Variants in SATL1 observed in about 807,000 individuals in gnomAD.
SATL1 encodes the protein spermidine/spermine N(1)-acetyltransferase-like protein 1.
In SATL1, 47 loss-of-function variants were observed where a neutral mutation model predicts 51.8. That is an observed-to-expected ratio of 0.91 (90% CI 0.72 to 1.16). The LOEUF is 1.16. Among genes scored for constraint, SATL1 ranks in the 50% most tolerant of loss-of-function variants. The pLI is 0.00. For missense variants in SATL1, 520 were observed against 526.4 expected, an observed-to-expected ratio of 0.99 and a Z score of 0.12; for synonymous variants, 176 against 182.4, an observed-to-expected ratio of 0.97 and a Z score of 0.28.
At chrX:85,117,397 G>A (rs1602844255) in intron 2 of SATL1, 1 of 111,569 alleles carries the variant, frequency 9.0e-6, no homozygotes, top group East Asian at 2.8e-4. Context: ...ACTCCGGCTT[G>A]GTTTCATCTA....
intron 2 of SATL1, among the ~76,000 whole-genome samples, chrX:85,172,813 G>A (rs1055788877): frequency 2.7e-5 from 3 of 110,742 alleles, no homozygotes; most frequent in African/African-American, 9.8e-5. Context: ...CAAACAAATA[G>A]AAACCTGGTT....
chrX:85,225,666 A>C (rs1449148127), intron 1 of SATL1, among the ~76,000 whole-genome samples: 1 of 112,069 alleles, frequency 8.9e-6, no homozygotes, highest in African/African-American at 3.2e-5. Context: ...GAGATATAAG[A>C]GAACATGGTG....
chrX:85,162,556 C>G (rs772358115), intron 2 of SATL1, among the ~76,000 whole-genome samples: 1 of 111,152 alleles, frequency 9.0e-6, no homozygotes, highest in Non-Finnish European at 1.9e-5. Flanking sequence ...ATTTCTCTGG[C>G]TAGGACTTTC....
chrX:85,238,566 G>A (rs770419472), intron 1 of SATL1, among the ~76,000 whole-genome samples: 7 of 111,525 alleles, frequency 6.3e-5, no homozygotes, highest in African/African-American at 2.3e-4. Context: ...GTCTGGGACA[G>A]GTAGTGGGAG....
rs752269995 is a variant in SATL1, at chrX:85,107,919, A to T, written c.1050T>A (p.Gly350=). 2.9e-5 allele frequency: 35 copies of T among 1,201,919 alleles called. No individual in the cohort carries two copies. Among genetic ancestry groups the T allele is most frequent in the Non-Finnish European group, 3.7e-5 (33 of 892,763 alleles). ...ATTGGCTTGGGGCTCGTTGCGGTGG[A>T]CCTGGTTGGCTTATGCTTGCTTCAC... ...VLSEASISQP[G]PPQRAPSQSG... is the part of the protein sequence containing the mutation. Residue 350 remains glycine (G), a synonymous_variant, in exon 3 of 8, where the codon GGT becomes GGA. Transcript: ENST00000644105.
At chrX:85,157,704 T>G (rs781749585) in intron 2 of SATL1, among the ~76,000 whole-genome samples, 2 of 111,621 alleles carry the variant, frequency 1.8e-5, no homozygotes, top group Non-Finnish European at 3.8e-5. Context: ...ATAATGCCCA[T>G]CACTTAGGCT....
intron 3 of SATL1, among the ~76,000 whole-genome samples, chrX:85,104,661 A>T (rs1242000467): frequency 9.0e-6 from 1 of 110,774 alleles, no homozygotes; most frequent in African/African-American, 3.3e-5. Context: ...CTGCTCCCTC[A>T]GCCCCAGGAT....
At chrX:85,106,665 T>G (rs1453434779) in intron 3 of SATL1, among the ~76,000 whole-genome samples, 1 of 111,669 alleles carries the variant, frequency 9.0e-6, no homozygotes, top group Non-Finnish European at 1.9e-5. Flanking sequence ...GACTACTAGA[T>G]AGCTTGTCCC....
At chrX:85,217,562 A>C (rs1928074850) in intron 2 of SATL1, among the ~76,000 whole-genome samples, 1 of 111,805 alleles carries the variant, frequency 8.9e-6, no homozygotes, top group African/African-American at 3.3e-5. Flanking sequence ...CTCTGCTAAC[A>C]AATTAAACTT....
chrX:85,159,585 G>A (rs1167297357), intron 2 of SATL1, among the ~76,000 whole-genome samples: 5 of 111,774 alleles, frequency 4.5e-5, no homozygotes, highest in African/African-American at 9.8e-5. Context: ...ATTGGGGATC[G>A]CTGATCTGAA....
At chrX:85,094,795 A>G in intron 5 of SATL1, 121 bp downstream of exon 5, 3 of 471,974 alleles carry the variant, frequency 6.4e-6, no homozygotes, top group Middle Eastern at 1.2e-3. Flanking sequence ...TTCTTTAAAA[A>G]AACTGGGTTT....
chrX:85,120,830 G>C (rs2147700653), intron 2 of SATL1, among the ~76,000 whole-genome samples: 1 of 111,026 alleles, frequency 9.0e-6, no homozygotes, highest in South Asian at 3.8e-4. Flanking sequence ...AGACAAATGG[G>C]GTCCTGCTTA....
chrX:85,182,487 T>C (rs1255883717), intron 2 of SATL1, among the ~76,000 whole-genome samples: 3 of 112,096 alleles, frequency 2.7e-5, no homozygotes, highest in Non-Finnish European at 5.7e-5. Context: ...TATCCATTCA[T>C]CTGTTGTTTG....
intron 2 of SATL1, among the ~76,000 whole-genome samples, chrX:85,168,393 A>G (rs1261771115): frequency 3.6e-5 from 4 of 111,915 alleles, no homozygotes; most frequent in African/African-American, 1.3e-4. Flanking sequence ...AGTCTCAGCC[A>G]AAAAGCTCAT....
At chrX:85,117,501 A>G (rs1287466051) in intron 2 of SATL1, 1 of 111,230 alleles carries the variant, frequency 9.0e-6, no homozygotes. Flanking sequence ...CTCAGAGCCA[A>G]TATTGTTTTT....
intron 2 of SATL1, among the ~76,000 whole-genome samples, chrX:85,197,739 C>T (rs928229891): frequency 2.9e-5 from 3 of 104,351 alleles, no homozygotes; most frequent in African/African-American, 1.1e-4. Flanking sequence ...TGAGTGAGAA[C>T]ATGCGGTGTT....
At chrX:85,116,731 T>TG (rs888506406) in intron 2 of SATL1, among the ~76,000 whole-genome samples, 1 of 110,817 alleles carries the variant, frequency 9.0e-6, no homozygotes, top group African/African-American at 3.3e-5. Flanking sequence ...CCTGGAGGGC[T>TG]GGGGGGTCTC....
intron 2 of SATL1, among the ~76,000 whole-genome samples, chrX:85,132,093 A>C (rs982276799): frequency 9.1e-6 from 1 of 109,778 alleles, no homozygotes; most frequent in African/African-American, 3.3e-5. Flanking sequence ...TTTTTCCTTC[A>C]TTTCAACCTT....
In SATL1 at chrX:85,108,679, A is replaced by T. The variant is rs1248989313; in HGVS notation, c.290T>A (p.Leu97Gln). ...PGMLQQELSQLVLSKAGISQP... is the reference protein window; with the variant it reads ...PGMLQQELSQQVLSKAGISQP... ...GCTTATGCCTGCTTTGCTCAGGACT[A>T]GTTGGCTCAGTTCTTGTTGCAGCAT... The change falls in exon 3 of 8, where the codon CTA becomes CAA. Residue 97 changes from leucine (L) to glutamine (Q), a missense_variant. Transcript: ENST00000644105. 1 of 1,196,943 alleles carries T rather than the reference A, an allele frequency of 8.4e-7. No homozygotes were observed. The highest frequency in any genetic ancestry group is 1.1e-6 in the Non-Finnish European group (1 of 888,283).
Sources: gnomAD v4.1 joint callset for allele counts (sites outside exome capture counted in the v4.1 genomes callset) on GRCh38, gnomAD v4.1.1 for gene constraint, MANE v1.5 for transcripts, NCBI Gene and HGNC (gene_info 2026-07-23, HGNC 2026-07-21) for gene names.